WDR72: variants seen among roughly 807,000 people sequenced by gnomAD.
The protein encoded by WDR72 is WD repeat domain 72, also known as WD repeat-containing protein 72.
Under a neutral mutation model 124.2 loss-of-function variants are expected in WDR72, and 120 were observed. That is an observed-to-expected ratio of 0.97 (90% CI 0.83 to 1.12). The LOEUF (loss-of-function observed/expected upper bound fraction) is 1.12, where lower values mean the gene tolerates loss of function less well. WDR72 is among the 50% of genes most tolerant of loss of function. The pLI, the probability that WDR72 is intolerant of heterozygous loss-of-function variation, is 0.00. For missense variants in WDR72, 1,387 were observed against 1,278.8 expected, an observed-to-expected ratio of 1.08 and a Z score of -1.29; for synonymous variants, 452 against 441.7, an observed-to-expected ratio of 1.02 and a Z score of -0.29.
chr15:53,682,242 A>T (rs2016414866), intron 13 of WDR72, among the ~76,000 whole-genome samples: 1 of 152,246 alleles, frequency 6.6e-6, no homozygotes, highest in African/African-American at 2.4e-5. Context: ...GTTAACAATT[A>T]CATAATTTCA....
chr15:53,694,258 T>C (rs1244608893), intron 13 of WDR72, among the ~76,000 whole-genome samples: 2 of 152,144 alleles, frequency 1.3e-5, no homozygotes, highest in African/African-American at 4.8e-5. Flanking sequence ...ATTTCAGCAT[T>C]TTTATATTTT....
intron 13 of WDR72, among the ~76,000 whole-genome samples, chr15:53,670,162 TATTA>T (rs928321675): frequency 6.6e-6 from 1 of 152,144 alleles, no homozygotes; most frequent in African/African-American, 2.4e-5. Flanking sequence ...TGTATTTTTC[TATTA>T]TTTATTTAAT....
At chr15:53,752,841 A>G (rs1179485024) in intron 1 of WDR72, among the ~76,000 whole-genome samples, 1 of 152,180 alleles carries the variant, frequency 6.6e-6, no homozygotes, top group Admixed American at 6.6e-5. Context: ...TTTGTGTAAT[A>G]AATCTCCTTT....
At chr15:53,623,494 T>C (rs560965466) in intron 14 of WDR72, among the ~76,000 whole-genome samples, 43 of 150,444 alleles carry the variant, frequency 2.9e-4, no homozygotes, top group Middle Eastern at 3.4e-3. Context: ...TATATATATA[T>C]ACACACATAC....
chr15:53,728,788 G>A (rs937381633), intron 2 of WDR72, among the ~76,000 whole-genome samples: 1 of 152,168 alleles, frequency 6.6e-6, no homozygotes, highest in African/African-American at 2.4e-5. Context: ...CTCACTGGTA[G>A]ACTTCACAAA....
intron 1 of WDR72, among the ~76,000 whole-genome samples, chr15:53,734,239 A>C (rs1421087704): frequency 6.6e-6 from 1 of 152,140 alleles, no homozygotes; most frequent in Admixed American, 6.5e-5. Flanking sequence ...CATTGTCTGG[A>C]ATTCAGTATC....
intron 17 of WDR72, among the ~76,000 whole-genome samples, chr15:53,598,816 G>A (rs765512308): frequency 5.3e-5 from 8 of 151,732 alleles, no homozygotes; most frequent in Non-Finnish European, 8.8e-5. Context: ...TGAATATCAT[G>A]TAATGAGATA....
chr15:53,681,199 C>T (rs1159363176), intron 13 of WDR72, among the ~76,000 whole-genome samples: 1 of 152,184 alleles, frequency 6.6e-6, no homozygotes, highest in South Asian at 2.1e-4. Flanking sequence ...ACAATCATTA[C>T]AGTCCACTGA....
At chr15:53,591,065 A>C (rs2012468940) in intron 18 of WDR72, among the ~76,000 whole-genome samples, 1 of 151,950 alleles carries the variant, frequency 6.6e-6, no homozygotes. Flanking sequence ...GTAAACAGCT[A>C]CCTTTCCCCA....
intron 18 of WDR72, among the ~76,000 whole-genome samples, chr15:53,593,532 T>C (rs12439520): frequency 6.6e-6 from 1 of 151,912 alleles, no homozygotes; most frequent in African/African-American, 2.4e-5. Flanking sequence ...TTTGGCAAGG[T>C]GGGCAGATTG....
At chr15:53,720,150 A>G (rs1282695670) in intron 3 of WDR72, among the ~76,000 whole-genome samples, 1 of 152,160 alleles carries the variant, frequency 6.6e-6, no homozygotes, top group African/African-American at 2.4e-5. Flanking sequence ...TTTAATTAAA[A>G]GTTACATACT....
chr15:53,724,103 A>G (rs549112363), intron 2 of WDR72, among the ~76,000 whole-genome samples: 1 of 152,322 alleles, frequency 6.6e-6, no homozygotes, highest in Admixed American at 6.5e-5. Flanking sequence ...TGCAGAACCT[A>G]AAAGGCCAAA....
At chr15:53,674,155 A>G (rs1175181379) in intron 13 of WDR72, among the ~76,000 whole-genome samples, 1 of 152,192 alleles carries the variant, frequency 6.6e-6, no homozygotes, top group Non-Finnish European at 1.5e-5. Flanking sequence ...TTTCTAACTG[A>G]ATCCATTATG....
chr15:53,734,728 T>C (rs2018299899), intron 1 of WDR72, among the ~76,000 whole-genome samples: 1 of 151,334 alleles, frequency 6.6e-6, no homozygotes, highest in Non-Finnish European at 1.5e-5. Context: ...ACAGAAAAAC[T>C]ACCCCAGGAA....
intron 7 of WDR72, 128 bp from the exon 8 acceptor site, chr15:53,711,609 A>T (rs2017541703): frequency 1.0e-6 from 1 of 986,980 alleles, no homozygotes; most frequent in African/African-American, 1.6e-5. Context: ...CTGTACTCTC[A>T]TATTAAGATG....
intron 18 of WDR72, among the ~76,000 whole-genome samples, chr15:53,588,485 T>A (rs1233138266): frequency 6.6e-6 from 1 of 151,970 alleles, no homozygotes; most frequent in Non-Finnish European, 1.5e-5. Flanking sequence ...ATGTTTCGAG[T>A]TATTCAAATT....
At chr15:53,742,398 T>A (rs2018533841) in intron 1 of WDR72, among the ~76,000 whole-genome samples, 1 of 152,178 alleles carries the variant, frequency 6.6e-6, no homozygotes. Flanking sequence ...TAATTATGTG[T>A]CTAGACAAGT....
intron 2 of WDR72, among the ~76,000 whole-genome samples, chr15:53,730,760 A>G (rs901824278): frequency 6.6e-6 from 1 of 151,930 alleles, no homozygotes; most frequent in Non-Finnish European, 1.5e-5. Context: ...TTCTACCCCT[A>G]CCCAAATTAT....
intron 2 of WDR72, among the ~76,000 whole-genome samples, chr15:53,724,768 T>C (rs1482819846): frequency 6.6e-6 from 1 of 152,210 alleles, no homozygotes; most frequent in Middle Eastern, 3.2e-3. Flanking sequence ...AATGTATTCA[T>C]ATATCAAATC....
Sources: allele counts gnomAD v4.1 joint callset (sites outside exome capture counted in the v4.1 genomes callset), GRCh38; gene constraint gnomAD v4.1.1; transcripts MANE v1.5; gene names NCBI Gene and HGNC (gene_info 2026-07-23, HGNC 2026-07-21).